GNA12: variants seen among roughly 807,000 people sequenced by gnomAD.
GNA12 encodes G protein subunit alpha 12, also known as guanine nucleotide-binding protein subunit alpha-12.
A neutral mutation model predicts 26.0 loss-of-function variants in GNA12; 9 were observed. That is an observed-to-expected ratio of 0.35 (90% CI 0.21 to 0.60). GNA12 has a LOEUF of 0.60. Ranked by LOEUF, GNA12 falls within the 20% of genes least tolerant of loss-of-function variation. The pLI is 0.78. For synonymous variants in GNA12, 264 were observed against 219.6 expected (o/e 1.20, Z -1.79); for missense variants, 405 against 525.8 (o/e 0.77, Z 2.25).
intron 1 of GNA12, 89 bp from the exon 2 acceptor site, chr7:2,795,232 T>C (rs1174287003): frequency 5.2e-6 from 5 of 964,782 alleles, no homozygotes; most frequent in East Asian, 2.4e-5. Flanking sequence ...TCCATTGTCA[T>C]AACGCAGAAA....
At chr7:2,772,477 G>A (rs532438251) in intron 2 of GNA12, among the ~76,000 whole-genome samples, 36 of 151,702 alleles carry the variant, frequency 2.4e-4, no homozygotes, top group Non-Finnish European at 3.4e-4. Context: ...GGAGAATGGC[G>A]TGAACCCAGG....
intron 2 of GNA12, among the ~76,000 whole-genome samples, chr7:2,756,326 T>C (rs1261792061): frequency 2.0e-5 from 3 of 152,196 alleles, no homozygotes; most frequent in Non-Finnish European, 4.4e-5. Flanking sequence ...TATATAAATC[T>C]AATTCAAACT....
intron 2 of GNA12, among the ~76,000 whole-genome samples, chr7:2,777,492 G>C (rs1251426982): frequency 6.6e-6 from 1 of 152,190 alleles, no homozygotes; most frequent in African/African-American, 2.4e-5. Flanking sequence ...ATTCCCAGTG[G>C]GATGGTATCT....
rs1562411324 is a variant in GNA12 at position 2,759,185 on chromosome 7, A to AAATG, written c.526-25685_526-25684insCATT. Among the ~76,000 whole-genome samples the AAATG allele has an allele frequency of 2.7e-5, 4 of 146,104 alleles. No individual in the cohort carries two copies. In the South Asian group the frequency reaches 8.7e-4, roughly 32 times the overall value. On this transcript the variant is annotated intron_variant, in intron 2 of 3. Transcript: ENST00000275364. Reference sequence around the variant, plus strand: ...TAAATAAATAAATAAATAAATAAATAAATAAAATAAAAATAAAAACCCCAT... The same window carrying AAATG: ...TAAATAAATAAATAAATAAATAAATAAATGAATAAAATAAAAATAAAAACCCCAT...
intron 1 of GNA12, among the ~76,000 whole-genome samples, chr7:2,801,495 A>G (rs541220427): frequency 1.1e-3 from 161 of 152,316 alleles, no homozygotes; most frequent in African/African-American, 3.5e-3. Flanking sequence ...CCCATGCAAC[A>G]GCAGTCTATT....
intron 2 of GNA12, among the ~76,000 whole-genome samples, chr7:2,785,412 C>G (rs1792333178): frequency 6.6e-6 from 1 of 152,208 alleles, no homozygotes; most frequent in African/African-American, 2.4e-5. Context: ...GTCCTTCTGA[C>G]TGTAACAGTT....
intron 1 of GNA12, among the ~76,000 whole-genome samples, chr7:2,825,438 G>A (rs1347488844): frequency 1.3e-5 from 2 of 152,236 alleles, no homozygotes; most frequent in African/African-American, 4.8e-5. Context: ...GCCCCCAGCA[G>A]TGTATGAAGA....
At chr7:2,816,207 T>C (rs892747229) in intron 1 of GNA12, among the ~76,000 whole-genome samples, 4 of 151,564 alleles carry the variant, frequency 2.6e-5, no homozygotes, top group African/African-American at 9.7e-5. Flanking sequence ...CGCACCCCCA[T>C]GGACAGCACG....
chr7:2,757,080 G>A (rs1347692211), intron 2 of GNA12, among the ~76,000 whole-genome samples: 3 of 151,294 alleles, frequency 2.0e-5, no homozygotes, highest in Non-Finnish European at 2.9e-5. Context: ...GTCCCAAGGC[G>A]GGGGAAAAAA....
intron 2 of GNA12, among the ~76,000 whole-genome samples, chr7:2,781,407 A>AGTGT (rs1444568534): frequency 8.5e-5 from 5 of 58,858 alleles, no homozygotes; most frequent in East Asian, 7.1e-4. Flanking sequence ...TTTCAAAGTA[A>AGTGT]GTGTCTGTGT....
intron 1 of GNA12, among the ~76,000 whole-genome samples, chr7:2,811,460 A>G (rs1316067264): frequency 6.6e-6 from 1 of 152,242 alleles, no homozygotes; most frequent in Admixed American, 6.5e-5. Context: ...GAGGTACAGG[A>G]GAATAAGTGT....
chr7:2,780,055 T>C (rs1377447989), intron 2 of GNA12, among the ~76,000 whole-genome samples: 3 of 37,616 alleles, frequency 8.0e-5, no homozygotes, highest in African/African-American at 2.4e-4. Context: ...TGTGTACATA[T>C]ATATATATAT....
chr7:2,771,462 A>C (rs551801962), intron 2 of GNA12, among the ~76,000 whole-genome samples: 2 of 151,594 alleles, frequency 1.3e-5, no homozygotes, highest in East Asian at 1.9e-4. Flanking sequence ...CCTCCCCTGC[A>C]CTCCCTTCCT....
At chr7:2,843,821 G>C in intron 1 of GNA12, 32 bp downstream of exon 1, 2 of 1,312,714 alleles carry the variant, frequency 1.5e-6, no homozygotes, top group Non-Finnish European at 2.0e-6. Context: ...GGCCCACCTG[G>C]GTGCAGGTGC....
chr7:2,803,822 A>AAACC (rs1333284231), intron 1 of GNA12, among the ~76,000 whole-genome samples: 1 of 152,038 alleles, frequency 6.6e-6, no homozygotes, highest in Non-Finnish European at 1.5e-5. Context: ...ACAAACAAAC[A>AAACC]AAAAAACAAC....
rs112093656 is a variant in GNA12, at chr7:2,743,604, C to A, written c.526-10103G>T. On this transcript the variant is annotated intron_variant, in intron 2 of 3. Transcript: ENST00000275364. Reference sequence around the variant, plus strand: ...AACAGCTCCGGTCTACAGCTCCCAGCGTGAGCAATGCAGAAGACGGGTGAT... The same window carrying A: ...AACAGCTCCGGTCTACAGCTCCCAGAGTGAGCAATGCAGAAGACGGGTGAT... 4.9e-3 allele frequency among the ~76,000 whole-genome samples: 749 copies of A among 152,280 alleles called. 4 individuals are homozygous for A. Among genetic ancestry groups the A allele is most frequent in the African/African-American group, 0.017 (689 of 41,554 alleles).
chr7:2,835,958 C>T, intron 1 of GNA12: 1 of 500,360 alleles, frequency 2.0e-6, no homozygotes, highest in Non-Finnish European at 3.8e-6. Context: ...TGGGTGTGAG[C>T]AGATTTGAAA....
intron 2 of GNA12, among the ~76,000 whole-genome samples, chr7:2,739,861 G>C (rs1029349993): frequency 2.0e-5 from 3 of 151,994 alleles, no homozygotes; most frequent in Non-Finnish European, 4.4e-5. Context: ...TAGTAGAGAC[G>C]GGGGTTTCAC....
At chr7:2,837,313 A>G (rs1427934948) in intron 1 of GNA12, among the ~76,000 whole-genome samples, 3 of 152,164 alleles carry the variant, frequency 2.0e-5, no homozygotes, top group Non-Finnish European at 4.4e-5. Context: ...TTCCAACCCC[A>G]CTCAACAAGG....
Sources: allele counts gnomAD v4.1 joint callset (sites outside exome capture counted in the v4.1 genomes callset), GRCh38; gene constraint gnomAD v4.1.1; transcripts MANE v1.5; gene names NCBI Gene and HGNC (gene_info 2026-07-23, HGNC 2026-07-21).